Variants in EDN1 observed in about 807,000 individuals in gnomAD.
EDN1 encodes the protein endothelin-1.
Under a neutral mutation model 21.7 loss-of-function variants are expected in EDN1, and 11 were observed. The ratio of observed to expected loss-of-function variants is 0.51; its 90% CI spans 0.32 to 0.84. EDN1 has a LOEUF of 0.84. Ranked by LOEUF, EDN1 falls within the 40% of genes least tolerant of loss-of-function variation. The pLI, the probability that EDN1 is intolerant of heterozygous loss-of-function variation, is 0.03. For synonymous variants in EDN1, 85 were observed against 90.6 expected, an observed-to-expected ratio of 0.94 and a Z score of 0.35; for missense variants, 244 against 262.3, an observed-to-expected ratio of 0.93 and a Z score of 0.48.
At chr6:12,258,449 C>CAAAAAAAAAAAAAAAAA in the EDN1 span, among the ~76,000 whole-genome samples, 2 of 63,658 alleles carry the variant, frequency 3.1e-5, no homozygotes, top group African/African-American at 9.8e-5. Flanking sequence ...GATCATGTCT[C>CAAAAAAAAAAAAAAAAA]AAAAAAAAAA....
At chr6:12,240,665 G>A in the EDN1 span, among the ~76,000 whole-genome samples, 4 of 152,126 alleles carry the variant, frequency 2.6e-5, no homozygotes, top group Non-Finnish European at 4.4e-5. Flanking sequence ...TTATCTGGGA[G>A]TACAGGGGTT....
chr6:12,243,324 A>AGAGGAGGAG, the EDN1 span, among the ~76,000 whole-genome samples: 13 of 144,600 alleles, frequency 9.0e-5, no homozygotes, highest in Non-Finnish European at 1.8e-4. Flanking sequence ...GAGGAGGAGG[A>AGAGGAGGAG]GAGGAGGAGG....
intron 2 of EDN1, among the ~76,000 whole-genome samples, chr6:12,293,648 T>C (rs1382154907): frequency 6.6e-6 from 1 of 151,666 alleles, no homozygotes; most frequent in Non-Finnish European, 1.5e-5. Context: ...GATGTCCTAA[T>C]TTTTGACAAA....
the EDN1 span, among the ~76,000 whole-genome samples, chr6:12,257,056 TGAG>T: frequency 6.6e-6 from 1 of 151,784 alleles, no homozygotes; most frequent in Non-Finnish European, 1.5e-5. Context: ...AAGAGAAAAA[TGAG>T]GAACCAAAAA....
At chr6:12,271,110 T>C in the EDN1 span, among the ~76,000 whole-genome samples, 1 of 149,984 alleles carries the variant, frequency 6.7e-6, no homozygotes, top group Non-Finnish European at 1.5e-5. Flanking sequence ...CACATACTTG[T>C]TTTTTTTTTA....
upstream of EDN1, among the ~76,000 whole-genome samples, chr6:12,287,942 A>G (rs1350916111): frequency 1.3e-5 from 2 of 152,000 alleles, no homozygotes; most frequent in East Asian, 3.9e-4. Flanking sequence ...TTGTGTTTCC[A>G]ATTCATATTC....
At position 12,292,449 on chromosome 6, in the gene EDN1, T is replaced by C; in HGVS notation, c.173T>C (p.Leu58Pro). The C allele has an allele frequency of 6.2e-7, 1 of 1,614,246 alleles. No homozygotes were observed. The highest frequency in any genetic ancestry group is 8.5e-7 in the Non-Finnish European group (1 of 1,180,046). Residue 58 changes from leucine to proline, a missense_variant, in exon 2 of 5, where the codon CTG (leucine) becomes CCG (proline). Leu to Pro is a moderately conservative substitution (Grantham distance 98). Coordinates refer to ENST00000379375, the MANE Select transcript of EDN1 (RefSeq NM_001955.5). Reference protein sequence around the residue: ...RRSKRCSCSSLMDKECVYFCH... With the variant: ...RRSKRCSCSSPMDKECVYFCH... ...TCCAAGCGCTGCTCCTGCTCGTCCC[T>C]GATGGATAAAGAGTGTGTCTACTTC...
chr6:12,262,060 C>T, the EDN1 span, among the ~76,000 whole-genome samples: 1 of 152,274 alleles, frequency 6.6e-6, no homozygotes, highest in Middle Eastern at 3.4e-3. Flanking sequence ...AGGGAAGATA[C>T]CTCCACAAAC....
the EDN1 span, among the ~76,000 whole-genome samples, chr6:12,249,537 A>G: frequency 6.6e-6 from 1 of 150,940 alleles, no homozygotes; most frequent in Non-Finnish European, 1.5e-5. Context: ...GCATTGAGAC[A>G]AGACAAAGTT....
At chr6:12,233,101 C>T in the EDN1 span, among the ~76,000 whole-genome samples, 63 of 152,260 alleles carry the variant, frequency 4.1e-4, no homozygotes, top group East Asian at 0.011. Flanking sequence ...TCTTTGTTTT[C>T]CTTTACAGGG....
chr6:12,289,345 CT>C (rs1188182518), upstream of EDN1, among the ~76,000 whole-genome samples: 1 of 152,162 alleles, frequency 6.6e-6, no homozygotes, highest in African/African-American at 2.4e-5. Context: ...AAATATGTCC[CT>C]GCTTGTGCGG....
the EDN1 span, among the ~76,000 whole-genome samples, chr6:12,247,600 G>A: frequency 7.2e-5 from 10 of 139,162 alleles, no homozygotes; most frequent in East Asian, 1.5e-3. Flanking sequence ...GTGCAGTGGC[G>A]TGATCTCAGC....
chr6:12,239,101 AC>A, the EDN1 span, among the ~76,000 whole-genome samples: 1 of 152,162 alleles, frequency 6.6e-6, no homozygotes, highest in South Asian at 2.1e-4. Context: ...TTACAAGTTG[AC>A]TGAAGAACCT....
the EDN1 span, among the ~76,000 whole-genome samples, chr6:12,276,161 C>CAAAA: frequency 2.9e-5 from 2 of 68,622 alleles, no homozygotes; most frequent in Admixed American, 2.0e-4. Context: ...GACTCCATCT[C>CAAAA]AAAAAAAAAA....
intron 2 of EDN1, among the ~76,000 whole-genome samples, chr6:12,293,472 G>A (rs1444752927): frequency 2.6e-5 from 4 of 152,146 alleles, no homozygotes; most frequent in South Asian, 2.1e-4. Flanking sequence ...GTGGGGTGAC[G>A]GTGGCACTTT....
chr6:12,240,524 CTT>C, the EDN1 span, among the ~76,000 whole-genome samples: 1 of 152,220 alleles, frequency 6.6e-6, no homozygotes, highest in South Asian at 2.1e-4. Flanking sequence ...TATTAGGTAA[CTT>C]ACATTTCTAT....
the EDN1 span, among the ~76,000 whole-genome samples, chr6:12,284,724 G>A: frequency 9.5e-6 from 1 of 104,832 alleles, no homozygotes; most frequent in African/African-American, 4.4e-5. Context: ...AGAAGGAAAG[G>A]AAGGAAGGAA....
the EDN1 span, among the ~76,000 whole-genome samples, chr6:12,239,794 A>C: frequency 2.0e-5 from 3 of 152,152 alleles, no homozygotes; most frequent in African/African-American, 7.2e-5. Flanking sequence ...CTGTGGTCCC[A>C]GCTATTCAGG....
chr6:12,291,019 T>G (rs1762666822), intron 1 of EDN1, among the ~76,000 whole-genome samples: 1 of 152,206 alleles, frequency 6.6e-6, no homozygotes, highest in South Asian at 2.1e-4. Flanking sequence ...AAATGTATGT[T>G]TGTAATATAT....
Sources: allele counts gnomAD v4.1 joint callset (sites outside exome capture counted in the v4.1 genomes callset), GRCh38; gene constraint gnomAD v4.1.1; transcripts MANE v1.5; gene names NCBI Gene and HGNC (gene_info 2026-07-23, HGNC 2026-07-21).